Variants in SEC22C observed in about 807,000 individuals in gnomAD.
SEC22C encodes the protein vesicle-trafficking protein SEC22c.
A neutral mutation model predicts 34.7 loss-of-function variants in SEC22C; 29 were observed. The observed-to-expected ratio is 0.84, with a 90% CI of 0.62 to 1.14. The LOEUF is 1.14. SEC22C is among the 50% of genes most tolerant of loss of function. SEC22C has a pLI of 0.00. For missense variants in SEC22C, 337 were observed against 369.0 expected (o/e 0.91, Z 0.71); for synonymous variants, 117 against 132.8 (o/e 0.88, Z 0.82).
intron 1 of SEC22C, among the ~76,000 whole-genome samples, chr3:42,588,974 A>C (rs569020871): frequency 6.6e-6 from 1 of 152,236 alleles, no homozygotes; most frequent in South Asian, 2.1e-4. Flanking sequence ...GTGAAATGGG[A>C]TGAAAGCAGG....
At chr3:42,570,090 A>G (rs1703523351) in intron 1 of SEC22C, among the ~76,000 whole-genome samples, 1 of 152,178 alleles carries the variant, frequency 6.6e-6, no homozygotes, top group Admixed American at 6.5e-5. Flanking sequence ...ACTTGATAGG[A>G]TGATAACAGG....
intron 1 of SEC22C, among the ~76,000 whole-genome samples, chr3:42,577,159 A>G (rs1048807243): frequency 5.3e-5 from 8 of 152,298 alleles, no homozygotes; most frequent in Non-Finnish European, 8.8e-5. Context: ...TAAAACTGGA[A>G]GAAAACATAG....
rs148481971 is a variant in SEC22C at position 42,548,710 on chromosome 3, A to G, written c.*4538T>C. 710 of 1,613,224 alleles carry G rather than the reference A, an allele frequency of 4.4e-4. 2 individuals carry two copies. The highest frequency in any genetic ancestry group is 2.0e-3 in the Middle Eastern group (12 of 5,990). On this transcript the variant is annotated 3_prime_UTR_variant, in exon 7 of 7. Coordinates refer to ENST00000264454, the MANE Select transcript of SEC22C (RefSeq NM_032970.4). ...CATGCGCTCTGTGCCCAGGGAGTGA[A>G]AGGCAGGTCCAGGGTGGGAAGAAGA... is the stretch of plus-strand genomic sequence containing the variant.
chr3:42,577,116 T>C (rs1469907052), intron 1 of SEC22C, among the ~76,000 whole-genome samples: 1 of 151,982 alleles, frequency 6.6e-6, no homozygotes, highest in African/African-American at 2.4e-5. Flanking sequence ...AACTAAAAAT[T>C]TATCATAGAT....
chr3:42,552,033 G>A lies in SEC22C; in HGVS notation c.*1215C>T. On this transcript the variant is annotated 3_prime_UTR_variant, in exon 7 of 7. Transcript: ENST00000264454. ...AACTCCCAAAATGACCTCCTGCGTG[G>A]TACAAAACAAGCCAGGCTGAAATTT... The A allele has an allele frequency of 1.0e-6, 1 of 985,386 alleles. No individual in the cohort carries two copies. The highest frequency in any genetic ancestry group is 1.2e-6 in the Non-Finnish European group (1 of 829,926). 61.0% of individuals were successfully genotyped at this position (985,386 alleles called of 1,614,324 possible).
Position 42,548,011 on chromosome 3 carries a change from C to T in SEC22C, c.*5237G>A, listed in dbSNP as rs1272583499. On this transcript the variant is annotated 3_prime_UTR_variant, in exon 7 of 7. Coordinates refer to ENST00000264454, the MANE Select transcript of SEC22C (RefSeq NM_032970.4). ...TTTATTCTGCCATTTCTGAAGCCAC[C>T]TCATTTAATTTATACATAGGATATA... 6.6e-6 allele frequency: 1 copy of T among 152,266 alleles called. No homozygotes were observed. Among genetic ancestry groups the T allele is most frequent in the Admixed American group, 6.5e-5 (1 of 15,284 alleles). The allele number at this position is 152,266 out of a possible 1,614,324, so 9.4% of individuals were successfully genotyped here. A position where few individuals can be genotyped will look rare whatever the true frequency, so the allele number is the denominator to read the frequency against.
intron 1 of SEC22C, chr3:42,594,648 C>T (rs946340019): frequency 9.4e-6 from 6 of 640,170 alleles, no homozygotes; most frequent in Admixed American, 8.8e-5. Flanking sequence ...GTGGCTCTTT[C>T]GAAACGTGAA....
rs1702112928 is a variant in SEC22C, at chr3:42,548,872, AAG to A, written c.*4374_*4375del. 1 of 1,380,978 alleles carries A rather than the reference AAG, an allele frequency of 7.2e-7. No individual in the cohort carries two copies. The highest frequency in any genetic ancestry group is 2.9e-5 in the Admixed American group (1 of 34,184). 85.5% of individuals were successfully genotyped at this position (1,380,978 alleles called of 1,614,324 possible). ...AACCTTCATGTACCAGGTGAATGTAAAGCCTTTCTCCTCCCACACACAATGGA... is the reference window on the plus strand; with the variant it reads ...AACCTTCATGTACCAGGTGAATGTAACCTTTCTCCTCCCACACACAATGGA... On this transcript the variant is annotated 3_prime_UTR_variant, in exon 7 of 7. Transcript: ENST00000264454.
chr3:42,566,466 G>C (rs926118458), intron 2 of SEC22C, among the ~76,000 whole-genome samples: 1 of 152,110 alleles, frequency 6.6e-6, no homozygotes, highest in Admixed American at 6.5e-5. Context: ...CACGAGGTTA[G>C]GAGCTCGAGA....
intron 6 of SEC22C, among the ~76,000 whole-genome samples, chr3:42,554,708 A>C (rs1057161357): frequency 2.4e-4 from 36 of 152,268 alleles, no homozygotes; most frequent in Admixed American, 7.2e-4. Context: ...CTAAGAACAG[A>C]AATTTTAATT....
Position 42,568,999 on chromosome 3 carries a change from C to T in SEC22C, c.48G>A (p.Leu16=), listed in dbSNP as rs1395896141. 1.3e-5 allele frequency: 21 copies of T among 1,613,996 alleles called. No individual in the cohort carries two copies. The highest frequency in any genetic ancestry group is 1.8e-5 in the Non-Finnish European group (21 of 1,180,024). The change falls in exon 2 of 7, where the codon CTG becomes CTA. Residue 16 remains leucine (L), a synonymous_variant. Coordinates refer to ENST00000264454, the MANE Select transcript of SEC22C (RefSeq NM_032970.4). ...AAAAATCAGTAGAGGCTGAGAGGGG[C>T]AGTCCATCCCTTACCCGTACCACGC... ...FACVVRVRDG[L]PLSASTDFYH...
intron 1 of SEC22C, among the ~76,000 whole-genome samples, chr3:42,572,933 TG>T (rs1357474377): frequency 6.6e-6 from 1 of 152,232 alleles, no homozygotes; most frequent in Non-Finnish European, 1.5e-5. Context: ...AGTGCAATCA[TG>T]GCTCACTGCA....
chr3:42,599,810 A>G (rs1705205691), intron 1 of SEC22C, among the ~76,000 whole-genome samples: 1 of 152,266 alleles, frequency 6.6e-6, no homozygotes, highest in Non-Finnish European at 1.5e-5. Context: ...AGATCATATC[A>G]TAGACTTACA....
Position 42,552,195 on chromosome 3 carries a change from A to T in SEC22C, c.*1053T>A, listed in dbSNP as rs995722705. 1 of 984,666 alleles carries T rather than the reference A, an allele frequency of 1.0e-6. No homozygotes were observed. The highest frequency in any genetic ancestry group is 1.2e-6 in the Non-Finnish European group (1 of 829,312). The allele number at this position is 984,666 out of a possible 1,614,324, so 61.0% of individuals were successfully genotyped here. Reference sequence around the variant, plus strand: ...ATCAAGCTTTAAAAAGTTAACAGATACTTAACTCTTGTTCATAAAAAATGA... The same window carrying T: ...ATCAAGCTTTAAAAAGTTAACAGATTCTTAACTCTTGTTCATAAAAAATGA... On this transcript the variant is annotated 3_prime_UTR_variant, in exon 7 of 7. Coordinates refer to ENST00000264454, the MANE Select transcript of SEC22C (RefSeq NM_032970.4).
At chr3:42,558,471 T>C (rs939913005) in intron 4 of SEC22C, among the ~76,000 whole-genome samples, 11 of 126,622 alleles carry the variant, frequency 8.7e-5, no homozygotes, top group African/African-American at 3.5e-4. Flanking sequence ...CTAGGCAACA[T>C]AGCGACCTTG....
chr3:42,592,845 AT>A (rs1307285155), intron 1 of SEC22C, among the ~76,000 whole-genome samples: 1 of 151,840 alleles, frequency 6.6e-6, no homozygotes. Context: ...TGTCTGATTT[AT>A]TTTTTTGGGT....
Position 42,555,592 on chromosome 3 carries a change from C to A in SEC22C, c.711+338G>T, listed in dbSNP as rs145767626. The stretch of plus-strand genomic sequence containing the variant: ...TAATAAGCACAAGGCAATATCTTGC[C>A]ACTCACTAGTCAGGCCTAATCCAAT... On this transcript the variant is annotated intron_variant, in intron 6 of 6. Transcript: ENST00000264454. Among the ~76,000 whole-genome samples the A allele has an allele frequency of 1.6e-4, 24 of 152,342 alleles. No homozygotes were observed. In the East Asian group the frequency reaches 4.6e-3, roughly 29 times the overall value.
In SEC22C at chr3:42,552,440, T is replaced by C; in HGVS notation, c.*808A>G. ...ACCTACTCCAGGTTGTGGTCAATTG[T>C]AAGTAATCCTGAAATTCTCATTTCT... is the stretch of plus-strand genomic sequence containing the variant. On this transcript the variant is annotated 3_prime_UTR_variant, in exon 7 of 7. Transcript: ENST00000264454. 1.0e-6 allele frequency: 1 copy of C among 985,356 alleles called. No individual in the cohort carries two copies. The allele number at this position is 985,356 out of a possible 1,614,324, so 61.0% of individuals were successfully genotyped here.
chr3:42,595,565 C>T (rs1559538179), intron 1 of SEC22C, among the ~76,000 whole-genome samples: 1 of 152,158 alleles, frequency 6.6e-6, no homozygotes, highest in Admixed American at 6.5e-5. Context: ...ATCCACCCAG[C>T]TTTGATGTGG....
Sources: allele counts gnomAD v4.1 joint callset (sites outside exome capture counted in the v4.1 genomes callset), GRCh38; gene constraint gnomAD v4.1.1; transcripts MANE v1.5; gene names NCBI Gene and HGNC (gene_info 2026-07-23, HGNC 2026-07-21).